BDNF: variants seen among roughly 807,000 people sequenced by gnomAD.
The protein encoded by BDNF is neurotrophic factor BDNF precursor form.
BDNF carries 1 observed loss-of-function variant against 19.5 expected under a neutral mutation model. The observed-to-expected ratio is 0.05, with a 90% confidence interval of 0.02 to 0.24. The LOEUF is 0.24. BDNF is among the 10% of genes least tolerant of loss of function. The pLI is 1.00. For missense variants in BDNF, 195 were observed against 317.6 expected, an observed-to-expected ratio of 0.61 and a Z score of 2.93; for synonymous variants, 100 against 121.6, an observed-to-expected ratio of 0.82 and a Z score of 1.17.
intron 1 of BDNF, among the ~76,000 whole-genome samples, chr11:27,699,910 C>T (rs1859699144): frequency 1.3e-5 from 2 of 152,200 alleles, no homozygotes. Flanking sequence ...CTCTGGGTCT[C>T]CTCCAGGCCT....
Position 27,657,090 on chromosome 11 carries a change from C to T in BDNF, c.*731G>A, listed in dbSNP as rs1852665516. On this transcript the variant is annotated 3_prime_UTR_variant, in exon 2 of 2. Coordinates refer to ENST00000356660, the MANE Select transcript of BDNF (RefSeq NM_001709.5). This position sits in a 1 kb window ranked among gnomAD's most constrained non-coding sequence, Gnocchi z 5.0. Reference sequence around the variant, plus strand: ...TGTGGAGTGTGAGCATTTTTTTGTTCAGTTGCCTTAATTTTTATTCACTTT... The same window carrying T: ...TGTGGAGTGTGAGCATTTTTTTGTTTAGTTGCCTTAATTTTTATTCACTTT... 1.0e-6 allele frequency: 1 copy of T among 985,534 alleles called. No homozygotes were observed. The highest frequency in any genetic ancestry group is 1.2e-6 in the Non-Finnish European group (1 of 829,908). The allele number at this position is 985,534 out of a possible 1,614,324, so 61.0% of individuals were successfully genotyped here. A position where few individuals can be genotyped will look rare whatever the true frequency, so the allele number is the denominator to read the frequency against.
intron 1 of BDNF, among the ~76,000 whole-genome samples, chr11:27,691,944 C>A (rs1858354989): frequency 6.6e-6 from 1 of 152,098 alleles, no homozygotes; most frequent in Non-Finnish European, 1.5e-5. Context: ...AAAAATATAA[C>A]CTCAAAAGTT....
chr11:27,666,933 T>C (rs1854451111), intron 1 of BDNF, among the ~76,000 whole-genome samples: 2 of 151,938 alleles, frequency 1.3e-5, no homozygotes, highest in South Asian at 4.2e-4. Context: ...GCAAAGATAC[T>C]CCTCAAGAAG....
chr11:27,667,270 C>G (rs1177121490), intron 1 of BDNF, among the ~76,000 whole-genome samples: 1 of 152,090 alleles, frequency 6.6e-6, no homozygotes, highest in Admixed American at 6.5e-5. Flanking sequence ...GAAGGAAGCA[C>G]TAAACATGGA....
At chr11:27,704,403 G>C (rs1860030146), upstream of BDNF, among the ~76,000 whole-genome samples, 1 of 152,160 alleles carries the variant, frequency 6.6e-6, no homozygotes, top group Non-Finnish European at 1.5e-5. Flanking sequence ...ACTCAAGTGA[G>C]AACAGAGGTA....
chr11:27,674,819 C>CTATAATAAATACT (rs1855870147), intron 1 of BDNF: 2 of 943,950 alleles, frequency 2.1e-6, no homozygotes, highest in Non-Finnish European at 1.3e-6. Flanking sequence ...TACATAGTTG[C>CTATAATAAATACT]TATAATAAAT....
chr11:27,710,011 C>T (rs1860263201), intron 1 of BDNF, among the ~76,000 whole-genome samples: 1 of 152,210 alleles, frequency 6.6e-6, no homozygotes, highest in Non-Finnish European at 1.5e-5. Flanking sequence ...TACCAGCCAT[C>T]ATATTACTTA....
intron 1 of BDNF, among the ~76,000 whole-genome samples, chr11:27,687,550 CTA>C (rs1329739479): frequency 6.6e-6 from 1 of 152,170 alleles, no homozygotes; most frequent in Non-Finnish European, 1.5e-5. Context: ...GTGGATTTAT[CTA>C]TGTTTGATCT....
chr11:27,677,653 A>G (rs1268019465), intron 1 of BDNF: 1 of 152,264 alleles, frequency 6.6e-6, no homozygotes, highest in East Asian at 1.9e-4. Flanking sequence ...ATCACCTTAT[A>G]GATGGTATGT....
chr11:27,701,682 G>C (rs922197320), upstream of BDNF: 4 of 921,428 alleles, frequency 4.3e-6, no homozygotes, highest in African/African-American at 7.2e-5. Flanking sequence ...GCTGTCATAT[G>C]ATACCTCCGC....
In BDNF at chr11:27,657,010, C is replaced by T. The variant is rs1852653407; in HGVS notation, c.*811G>A. 1 of 985,322 alleles carries T rather than the reference C, an allele frequency of 1.0e-6. No individual in the cohort carries two copies. The highest frequency in any genetic ancestry group is 1.2e-6 in the Non-Finnish European group (1 of 829,962). The allele number at this position is 985,322 out of a possible 1,614,324, so 61.0% of individuals were successfully genotyped here. A position where few individuals can be genotyped will look rare whatever the true frequency, so the allele number is the denominator to read the frequency against. Reference sequence around the variant, plus strand: ...ACATAGGTCCTTCCGTCAAAAGCAGCTTACTCTGACCAACGCCCAAAGAAT... The same window carrying T: ...ACATAGGTCCTTCCGTCAAAAGCAGTTTACTCTGACCAACGCCCAAAGAAT... On this transcript the variant is annotated 3_prime_UTR_variant, in exon 2 of 2. Coordinates refer to ENST00000356660, the MANE Select transcript of BDNF (RefSeq NM_001709.5). This position sits in a 1 kb window ranked among gnomAD's most constrained non-coding sequence, Gnocchi z 5.0.
chr11:27,690,548 G>A (rs2134014929), intron 1 of BDNF, among the ~76,000 whole-genome samples: 1 of 152,132 alleles, frequency 6.6e-6, no homozygotes, highest in East Asian at 1.9e-4. Flanking sequence ...GATTATATCA[G>A]CATATTTACA....
upstream of BDNF, among the ~76,000 whole-genome samples, chr11:27,704,880 C>T (rs1235554678): frequency 6.6e-6 from 1 of 152,150 alleles, no homozygotes; most frequent in Non-Finnish European, 1.5e-5. Flanking sequence ...AAAATGTGTT[C>T]AAATTGGTCA....
At chr11:27,688,117 G>A (rs1411915906) in intron 1 of BDNF, among the ~76,000 whole-genome samples, 1 of 152,250 alleles carries the variant, frequency 6.6e-6, no homozygotes, top group Admixed American at 6.5e-5. Flanking sequence ...CAGAGAGGGA[G>A]AATCTAGAGA....
chr11:27,675,985 C>T (rs1856046634), intron 1 of BDNF: 1 of 152,130 alleles, frequency 6.6e-6, no homozygotes, highest in South Asian at 2.1e-4. Context: ...GCTGACATCC[C>T]AAATGTGTGT....
In BDNF at chr11:27,656,868, T is replaced by G; in HGVS notation, c.*953A>C. ...GAGTGTCATGATGTGACACAATGTGTTCACTTGTTCACAGCAGTGGTAAAA... is the reference window on the plus strand; with the variant it reads ...GAGTGTCATGATGTGACACAATGTGGTCACTTGTTCACAGCAGTGGTAAAA... On this transcript the variant is annotated 3_prime_UTR_variant, in exon 2 of 2. Coordinates refer to ENST00000356660, the MANE Select transcript of BDNF (RefSeq NM_001709.5). 1.0e-6 allele frequency: 1 copy of G among 985,370 alleles called. No individual in the cohort carries two copies. Among genetic ancestry groups the G allele is most frequent in the Non-Finnish European group, 1.2e-6 (1 of 829,906 alleles). 61.0% of individuals were successfully genotyped at this position (985,370 alleles called of 1,614,324 possible).
chr11:27,656,019 A>G lies in BDNF; in HGVS notation c.*1802T>C, dbSNP rs1852509157. Reference sequence around the variant, plus strand: ...TGTCAGCTCTGTCCTGGCCTCTTCCATTGAGCAAGGCACCTTCAAGTCTTG... The same window carrying G: ...TGTCAGCTCTGTCCTGGCCTCTTCCGTTGAGCAAGGCACCTTCAAGTCTTG... On this transcript the variant is annotated 3_prime_UTR_variant, in exon 2 of 2. Transcript: ENST00000356660. The G allele has an allele frequency of 6.6e-6, 1 of 152,172 alleles. No homozygotes were observed. Among genetic ancestry groups the G allele is most frequent in the Admixed American group, 6.6e-5 (1 of 15,264 alleles). The allele number at this position is 152,172 out of a possible 1,614,324, so 9.4% of individuals were successfully genotyped here. A position where few individuals can be genotyped will look rare whatever the true frequency, so the allele number is the denominator to read the frequency against.
At position 27,700,454 on chromosome 11, in the gene BDNF, G is replaced by C. The variant is rs1201392192; in HGVS notation, c.-312C>G. On this transcript the variant is annotated 5_prime_UTR_variant, in exon 1 of 2. Coordinates refer to ENST00000356660, the MANE Select transcript of BDNF (RefSeq NM_001709.5). ...CGTCGGGGACCCGGAGCTCCAGGCT[G>C]CGCCTTGCGCCCGGGTCAGACATTA... 3 of 984,030 alleles carry C rather than the reference G, an allele frequency of 3.0e-6. No homozygotes were observed. The highest frequency in any genetic ancestry group is 3.6e-6 in the Non-Finnish European group (3 of 829,298). 61.0% of individuals were successfully genotyped at this position (984,030 alleles called of 1,614,324 possible). A position where few individuals can be genotyped will look rare whatever the true frequency, so the allele number is the denominator to read the frequency against.
intron 1 of BDNF, among the ~76,000 whole-genome samples, chr11:27,717,860 A>AGTGTGTGT (rs56730757): frequency 0.026 from 3,831 of 147,540 alleles, 71 homozygotes; most frequent in Non-Finnish European, 0.042. Flanking sequence ...TTACAAGTTG[A>AGTGTGTGT]GTGTGTGTGT....
Sources: gnomAD v4.1 joint callset for allele counts (sites outside exome capture counted in the v4.1 genomes callset) on GRCh38, gnomAD v4.1.1 for gene constraint, Gnocchi (gnomAD v3.1) non-coding constraint, MANE v1.5 for transcripts, NCBI Gene and HGNC (gene_info 2026-07-23, HGNC 2026-07-21) for gene names.